SNAP29: variants seen among roughly 807,000 people sequenced by gnomAD.
The protein encoded by SNAP29 is synaptosome associated protein 29, also known as synaptosomal-associated protein 29.
Under a neutral mutation model 27.9 loss-of-function variants are expected in SNAP29, and 13 were observed. The observed-to-expected ratio is 0.47, with a 90% CI of 0.30 to 0.74. The LOEUF (loss-of-function observed/expected upper bound fraction) is 0.74, where lower values mean the gene tolerates loss of function less well. Ranked by LOEUF, SNAP29 falls within the 30% of genes least tolerant of loss-of-function variation. The pLI is 0.06. For synonymous variants in SNAP29, 119 were observed against 127.1 expected, an observed-to-expected ratio of 0.94 and a Z score of 0.43; for missense variants, 368 against 336.5, an observed-to-expected ratio of 1.09 and a Z score of -0.73.
rs545312201 is a variant in SNAP29 at position 20,884,460 on chromosome 22, G to C, written c.619+891G>C. Reference sequence around the variant, plus strand: ...TCCCTTCTGCCCTCATCACCTGCAGGCTCGTGTGGGATTTCTGATGTGAGT... The same window carrying C: ...TCCCTTCTGCCCTCATCACCTGCAGCCTCGTGTGGGATTTCTGATGTGAGT... On this transcript the variant is annotated intron_variant, in intron 4 of 4. Coordinates refer to ENST00000215730, the MANE Select transcript of SNAP29 (RefSeq NM_004782.4). Among the ~76,000 whole-genome samples, 19 of 152,280 alleles carry C rather than the reference G, an allele frequency of 1.2e-4. No individual in the cohort carries two copies. The South Asian group carries it at 2.7e-3, about 22-fold the overall frequency.
chr22:20,877,543 C>G (rs1384339037), intron 2 of SNAP29, among the ~76,000 whole-genome samples: 2 of 151,664 alleles, frequency 1.3e-5, no homozygotes, highest in Non-Finnish European at 1.5e-5. Flanking sequence ...GCAACAAGAG[C>G]AGAACTCCCT....
intron 2 of SNAP29, among the ~76,000 whole-genome samples, chr22:20,872,820 CTTTTTTTTTT>C (rs361677): frequency 2.5e-5 from 1 of 39,866 alleles, no homozygotes; most frequent in Admixed American, 4.2e-4. Flanking sequence ...CCACGCCAGG[CTTTTTTTTTT>C]TTTTTTTTTT....
intron 2 of SNAP29, among the ~76,000 whole-genome samples, chr22:20,871,203 T>C (rs1453579878): frequency 6.6e-6 from 1 of 151,752 alleles, no homozygotes. Flanking sequence ...ATTTGAAAAT[T>C]ATAAGGCTGG....
At chr22:20,869,351 T>A (rs1244004869) in intron 1 of SNAP29, among the ~76,000 whole-genome samples, 1 of 152,040 alleles carries the variant, frequency 6.6e-6, no homozygotes, top group Non-Finnish European at 1.5e-5. Flanking sequence ...TCTGAGAGAG[T>A]GGCCTTTGAA....
chr22:20,867,660 C>T (rs188579339), intron 1 of SNAP29, among the ~76,000 whole-genome samples: 5 of 152,188 alleles, frequency 3.3e-5, no homozygotes. Context: ...AGTCGCCTGG[C>T]CTTCCAGCCT....
rs200772932 is a variant in SNAP29, at chr22:20,887,703, G to A, written c.644G>A (p.Arg215His). 29 of 1,614,034 alleles carry A rather than the reference G, an allele frequency of 1.8e-5. No individual in the cohort carries two copies. Among genetic ancestry groups the A allele is most frequent in the African/African-American group, 6.7e-5 (5 of 74,912 alleles). ...GATGAGCTGTCCATGGGACTGGGTCGTCTGAAGGACATAGCCCTGGGGATG... is the reference window on the plus strand; with the variant it reads ...GATGAGCTGTCCATGGGACTGGGTCATCTGAAGGACATAGCCCTGGGGATG... ...NLDELSMGLG[R>H]LKDIALGMQT... The change falls in exon 5 of 5, where the codon CGT becomes CAT. Residue 215 changes from arginine to histidine, a missense_variant. By Grantham distance (29) the Arg-to-His change is conservative. Transcript: ENST00000215730.
At chr22:20,879,000 G>A (rs567892909) in intron 2 of SNAP29, among the ~76,000 whole-genome samples, 1 of 152,296 alleles carries the variant, frequency 6.6e-6, no homozygotes, top group East Asian at 1.9e-4. Context: ...ACTTTTTAGT[G>A]ACAAAATTTA....
rs565912526 is a variant in SNAP29, at chr22:20,864,972, G to A, written c.238-5365G>A. On this transcript the variant is annotated intron_variant, in intron 1 of 4. Transcript: ENST00000215730. ...TCTAGCAGGTGGGAGGGAGTCTGGT[G>A]GAGAAATGGCATTGGACCACATACT... is the stretch of plus-strand genomic sequence containing the variant. 4.6e-5 allele frequency among the ~76,000 whole-genome samples: 7 copies of A among 152,374 alleles called. No homozygotes were observed. In the South Asian group the frequency reaches 1.4e-3, roughly 32 times the overall value.
rs761692544 is a variant in SNAP29 at position 20,859,281 on chromosome 22, C to T, written c.171C>T (p.Ala57=). The change falls in exon 1 of 5, where the codon GCC becomes GCT. Residue 57 remains alanine (A), a synonymous_variant. Coordinates refer to ENST00000215730, the MANE Select transcript of SNAP29 (RefSeq NM_004782.4). ...QEVLRRAEAT[A]ASTSRSLALM... Reference sequence around the variant, plus strand: ...TCCTCCGCAGGGCTGAGGCCACGGCCGCCAGCACCAGCAGGTCCCTGGCCC... The same window carrying T: ...TCCTCCGCAGGGCTGAGGCCACGGCTGCCAGCACCAGCAGGTCCCTGGCCC... 9 of 1,610,714 alleles carry T rather than the reference C, an allele frequency of 5.6e-6. No homozygotes were observed. The Admixed American group carries it at 1.3e-4, about 24-fold the overall frequency.
At chr22:20,861,235 A>T (rs1928311592) in intron 1 of SNAP29, among the ~76,000 whole-genome samples, 1 of 149,246 alleles carries the variant, frequency 6.7e-6, no homozygotes, top group Admixed American at 6.8e-5. Flanking sequence ...CTCCTGCCTC[A>T]GCCTCCTGAG....
intron 1 of SNAP29, among the ~76,000 whole-genome samples, chr22:20,860,911 CAT>C (rs1428118866): frequency 6.7e-6 from 1 of 149,656 alleles, no homozygotes; most frequent in East Asian, 1.9e-4. Flanking sequence ...GTGGCACACA[CAT>C]GTGAGTGCAG....
Position 20,890,092 on chromosome 22 carries a change from T to C in SNAP29, c.*2256T>C. 2.5e-6 allele frequency: 1 copy of C among 395,624 alleles called. No individual in the cohort carries two copies. The highest frequency in any genetic ancestry group is 4.4e-6 in the Non-Finnish European group (1 of 224,804). 24.5% of individuals were successfully genotyped at this position (395,624 alleles called of 1,614,324 possible). On this transcript the variant is annotated 3_prime_UTR_variant, in exon 5 of 5. Transcript: ENST00000215730. Reference sequence around the variant, plus strand: ...GTTCTACGTCCTGTGCTGAGGGGACTGTCCGTAAGCTACAGGACAGCGAGC... The same window carrying C: ...GTTCTACGTCCTGTGCTGAGGGGACCGTCCGTAAGCTACAGGACAGCGAGC...
At chr22:20,878,928 CG>C (rs1475619433) in intron 2 of SNAP29, among the ~76,000 whole-genome samples, 1 of 152,088 alleles carries the variant, frequency 6.6e-6, no homozygotes, top group Non-Finnish European at 1.5e-5. Context: ...AACTAGGCCA[CG>C]GAGCAAAATC....
intron 1 of SNAP29, among the ~76,000 whole-genome samples, chr22:20,867,450 G>T (rs576000411): frequency 6.6e-6 from 1 of 152,208 alleles, no homozygotes; most frequent in South Asian, 2.1e-4. Context: ...CTCTTTCCTG[G>T]TATTTTGGTG....
Position 20,888,227 on chromosome 22 carries a change from A to C in SNAP29, c.*391A>C. Reference sequence around the variant, plus strand: ...CTATTTCTCATTCCTAAGCCTTACCATGAGTCAGAGTGTTAAGGGGGCCTG... The same window carrying C: ...CTATTTCTCATTCCTAAGCCTTACCCTGAGTCAGAGTGTTAAGGGGGCCTG... On this transcript the variant is annotated 3_prime_UTR_variant, in exon 5 of 5. Transcript: ENST00000215730. 3.1e-6 allele frequency: 1 copy of C among 326,322 alleles called. No individual in the cohort carries two copies. 20.2% of individuals were successfully genotyped at this position (326,322 alleles called of 1,614,324 possible). A position where few individuals can be genotyped will look rare whatever the true frequency, so the allele number is the denominator to read the frequency against.
intron 1 of SNAP29, among the ~76,000 whole-genome samples, chr22:20,864,879 G>A (rs550703425): frequency 1.3e-5 from 2 of 152,226 alleles, no homozygotes; most frequent in Non-Finnish European, 2.9e-5. Flanking sequence ...AATGCATTGA[G>A]CTGTGTGCCT....
intron 2 of SNAP29, chr22:20,871,061 C>G (rs1331487339): frequency 1.1e-5 from 2 of 182,134 alleles, no homozygotes; most frequent in African/African-American, 4.9e-5. Flanking sequence ...GCCTGGAGAT[C>G]AAGGCTGCAG....
rs361726 is a variant in SNAP29 at position 20,860,371 on chromosome 22, C to CT, written c.237+1040dup. Among the ~76,000 whole-genome samples the CT allele has an allele frequency of 3.5e-4, 47 of 133,880 alleles. No homozygotes were observed. In the East Asian group the frequency reaches 6.5e-3, roughly 19 times the overall value. 87.8% of individuals were successfully genotyped at this position (133,880 alleles called of 152,430 possible). On this transcript the variant is annotated intron_variant, in intron 1 of 4. Transcript: ENST00000215730. Reference sequence around the variant, plus strand: ...GATCCTGGAGGGTCTTTTTCTTTTTCTTTTTTTTTTTTTTTTGAGATGGAA... The same window carrying CT: ...GATCCTGGAGGGTCTTTTTCTTTTTCTTTTTTTTTTTTTTTTTGAGATGGAA...
At position 20,886,635 on chromosome 22, in the gene SNAP29, G is replaced by A. The variant is rs540188598; in HGVS notation, c.620-1044G>A. On this transcript the variant is annotated intron_variant, in intron 4 of 4. Coordinates refer to ENST00000215730, the MANE Select transcript of SNAP29 (RefSeq NM_004782.4). Reference sequence around the variant, plus strand: ...ATCTTTTTATTTCATTTTTTGAGACGGAGTCTTGCTCTGTCGCCCAGGTTG... The same window carrying A: ...ATCTTTTTATTTCATTTTTTGAGACAGAGTCTTGCTCTGTCGCCCAGGTTG... 3.4e-4 allele frequency among the ~76,000 whole-genome samples: 47 copies of A among 140,242 alleles called. No homozygotes were observed. The South Asian group carries it at 6.9e-3, about 21-fold the overall frequency. The allele number at this position is 140,242 out of a possible 152,430, so 92.0% of individuals were successfully genotyped here. A position where few individuals can be genotyped will look rare whatever the true frequency, so the allele number is the denominator to read the frequency against.
Sources: gnomAD v4.1 joint callset for allele counts (sites outside exome capture counted in the v4.1 genomes callset) on GRCh38, gnomAD v4.1.1 for gene constraint, MANE v1.5 for transcripts, NCBI Gene and HGNC (gene_info 2026-07-23, HGNC 2026-07-21) for gene names.